The following FMN1 variants were observed in gnomAD, a reference collection of about 807,000 sequenced individuals.
The protein encoded by FMN1 is formin 1.
FMN1 carries 110 observed loss-of-function variants against 132.4 expected under a neutral mutation model. The ratio of observed to expected loss-of-function variants is 0.83; its 90% confidence interval spans 0.71 to 0.97. The LOEUF (loss-of-function observed/expected upper bound fraction) is 0.97, where lower values mean the gene tolerates loss of function less well. FMN1 is among the 50% of genes least tolerant of loss of function. The probability of loss-of-function intolerance (pLI) is 0.00; values close to 1 mark genes in which losing one functional copy is unlikely to be tolerated. For missense variants in FMN1, 1,792 were observed against 1,705.3 expected, an observed-to-expected ratio of 1.05 and a Z score of -0.90; for synonymous variants, 722 against 651.7, an observed-to-expected ratio of 1.11 and a Z score of -1.64.
intron 6 of FMN1, among the ~76,000 whole-genome samples, chr15:33,022,207 A>AT (rs889445873): frequency 1.2e-4 from 19 of 152,264 alleles, no homozygotes; most frequent in African/African-American, 4.6e-4. Flanking sequence ...ATGTTTTGGT[A>AT]TTTTTTTCCC....
chr15:33,103,089 T>C (rs1441517376), intron 4 of FMN1, among the ~76,000 whole-genome samples: 4 of 152,140 alleles, frequency 2.6e-5, no homozygotes, highest in Non-Finnish European at 5.9e-5. Flanking sequence ...TTAGTAGATA[T>C]ATAATAATAT....
chr15:32,924,020 C>T (rs2060897124), intron 10 of FMN1, among the ~76,000 whole-genome samples: 1 of 152,168 alleles, frequency 6.6e-6, no homozygotes. Flanking sequence ...AACAGTCAGT[C>T]CTTTACCAAA....
At chr15:32,898,984 C>G in intron 14 of FMN1, 91 bp from the exon 15 acceptor site, 1 of 885,360 alleles carries the variant, frequency 1.1e-6, no homozygotes, top group Non-Finnish European at 1.8e-6. Flanking sequence ...TGAGAAATTT[C>G]TAATTCGTGA....
intron 3 of FMN1, among the ~76,000 whole-genome samples, chr15:33,168,326 T>A (rs1965188213): frequency 2.6e-5 from 4 of 152,244 alleles, no homozygotes; most frequent in Admixed American, 2.6e-4. Context: ...AAAATATGGT[T>A]AACAGATTGT....
chr15:33,114,281 G>A (rs1595501433), intron 4 of FMN1, among the ~76,000 whole-genome samples: 1 of 152,230 alleles, frequency 6.6e-6, no homozygotes, highest in East Asian at 1.9e-4. Context: ...GAGGAATGAA[G>A]CAGCTCAGGA....
intron 17 of FMN1, among the ~76,000 whole-genome samples, chr15:32,813,042 T>C (rs538940790): frequency 1.2e-4 from 18 of 152,336 alleles, no homozygotes; most frequent in Middle Eastern, 3.4e-3. Flanking sequence ...GCTTTTTTTT[T>C]CCTTGTCATT....
rs7168080 is a variant in FMN1, at chr15:32,969,637, T to C, written c.2224-160A>G. The stretch of plus-strand genomic sequence containing the variant: ...TTTTAAGAATCCATAAAGGTGTAAA[T>C]TGCACTCTGAATTTTCCAGGGACCT... On this transcript the variant is annotated intron_variant, in intron 7 of 20. Coordinates refer to ENST00000616417, the MANE Select transcript of FMN1 (RefSeq NM_001277313.2). 0.14 allele frequency among the ~76,000 whole-genome samples: 21,064 copies of C among 152,050 alleles called. 2,012 individuals carry two copies. The highest frequency in any genetic ancestry group is 0.26 in the African/African-American group (10,801 of 41,448).
chr15:33,075,690 A>C (rs1056073427), intron 5 of FMN1, among the ~76,000 whole-genome samples: 2 of 152,188 alleles, frequency 1.3e-5, no homozygotes, highest in Non-Finnish European at 2.9e-5. Context: ...AAATCCATGA[A>C]TTTGGGGTTT....
intron 17 of FMN1, among the ~76,000 whole-genome samples, chr15:32,854,223 C>T (rs1409307184): frequency 2.0e-5 from 3 of 152,066 alleles, no homozygotes; most frequent in Non-Finnish European, 2.9e-5. Flanking sequence ...TTCAAAACCC[C>T]GTGTTTTACC....
intron 9 of FMN1, among the ~76,000 whole-genome samples, chr15:32,935,257 G>GAATTTGAATGAAAGAA (rs2061236432): frequency 6.6e-6 from 1 of 152,164 alleles, no homozygotes; most frequent in South Asian, 2.1e-4. Context: ...TTCTTACTTG[G>GAATTTGAATGAAAGAA]TAATTTTCTT....
At chr15:33,038,879 G>A (rs182185344) in intron 6 of FMN1, among the ~76,000 whole-genome samples, 11 of 152,272 alleles carry the variant, frequency 7.2e-5, no homozygotes, top group South Asian at 4.1e-4. Context: ...AGGGTTCCAC[G>A]ATTTTCTTTG....
intron 5 of FMN1, among the ~76,000 whole-genome samples, chr15:33,069,761 T>A (rs915793397): frequency 6.6e-6 from 1 of 152,206 alleles, no homozygotes. Context: ...TCTTGTGTTT[T>A]AAACAGGTAC....
At chr15:32,992,043 A>G (rs534694799) in intron 7 of FMN1, among the ~76,000 whole-genome samples, 1 of 152,368 alleles carries the variant, frequency 6.6e-6, no homozygotes, top group South Asian at 2.1e-4. Flanking sequence ...GCGTACTCAC[A>G]TAAATTCAGA....
At chr15:32,959,734 TAAGAA>T (rs2030288234) in intron 9 of FMN1, among the ~76,000 whole-genome samples, 1 of 152,096 alleles carries the variant, frequency 6.6e-6, no homozygotes, top group Admixed American at 6.5e-5. Flanking sequence ...CAAACTATTA[TAAGAA>T]AAGAAATAAT....
chr15:33,188,692 G>GAA (rs957383308), intron 2 of FMN1, among the ~76,000 whole-genome samples: 2 of 145,684 alleles, frequency 1.4e-5, no homozygotes. Flanking sequence ...AAAAGATGAA[G>GAA]AAAAAAAAAA....
chr15:32,885,022 T>C (rs949132659), intron 16 of FMN1, among the ~76,000 whole-genome samples: 2 of 152,234 alleles, frequency 1.3e-5, no homozygotes, highest in Admixed American at 6.5e-5. Context: ...ATGCAGGTCC[T>C]ATAACTGTCC....
intron 17 of FMN1, among the ~76,000 whole-genome samples, chr15:32,807,576 G>A (rs2057725731): frequency 6.6e-6 from 1 of 152,152 alleles, no homozygotes; most frequent in South Asian, 2.1e-4. Context: ...GTTTCTAACT[G>A]GCTACTTCCA....
chr15:33,084,163 T>C (rs2038599737), intron 5 of FMN1, among the ~76,000 whole-genome samples: 1 of 152,040 alleles, frequency 6.6e-6, no homozygotes, highest in African/African-American at 2.4e-5. Context: ...GCCTATGGAG[T>C]AGCTATTCTT....
intron 6 of FMN1, among the ~76,000 whole-genome samples, chr15:33,048,046 T>C (rs527872869): frequency 1.1e-3 from 162 of 152,198 alleles, no homozygotes; most frequent in Non-Finnish European, 1.6e-3. Flanking sequence ...AATTAAAAAC[T>C]GTAATGCCTT....
Sources: allele counts gnomAD v4.1 joint callset (sites outside exome capture counted in the v4.1 genomes callset), GRCh38; gene constraint gnomAD v4.1.1; transcripts MANE v1.5; gene names NCBI Gene and HGNC (gene_info 2026-07-23, HGNC 2026-07-21).